Variants in PXDNL observed in about 807,000 individuals in gnomAD.
PXDNL encodes probable oxidoreductase PXDNL.
PXDNL carries 145 observed loss-of-function variants against 150.8 expected under a neutral mutation model. That is an observed-to-expected ratio of 0.96 (90% CI 0.84 to 1.10). PXDNL has a LOEUF of 1.10. PXDNL is among the 50% of genes least tolerant of loss of function. The probability of loss-of-function intolerance (pLI) is 0.00; values close to 1 mark genes in which losing one functional copy is unlikely to be tolerated. For synonymous variants in PXDNL, 757 were observed against 725.7 expected (o/e 1.04, Z -0.69); for missense variants, 2,087 against 1,873.9 (o/e 1.11, Z -2.10).
chr8:51,696,506 C>T (rs1816128945), intron 1 of PXDNL, among the ~76,000 whole-genome samples: 1 of 152,188 alleles, frequency 6.6e-6, no homozygotes, highest in Non-Finnish European at 1.5e-5. Context: ...CCCTCGCTGA[C>T]TAAAACACTG....
intron 1 of PXDNL, among the ~76,000 whole-genome samples, chr8:51,799,735 G>T (rs1265198604): frequency 1.3e-5 from 2 of 152,206 alleles, no homozygotes; most frequent in African/African-American, 4.8e-5. Context: ...ACGGCTCCAG[G>T]TAAGGAGGCA....
intron 4 of PXDNL, among the ~76,000 whole-genome samples, chr8:51,531,421 C>G (rs75796937): frequency 0.079 from 12,079 of 152,188 alleles, 771 homozygotes; most frequent in East Asian, 0.23. Context: ...GAGTGGATAA[C>G]CTGTCCGCCA....
intron 3 of PXDNL, among the ~76,000 whole-genome samples, chr8:51,560,108 C>T (rs150462743): frequency 2.5e-4 from 38 of 151,702 alleles, no homozygotes; most frequent in South Asian, 4.2e-4. Context: ...CTTAACCAAG[C>T]GGGTTAAAGA....
intron 4 of PXDNL, among the ~76,000 whole-genome samples, chr8:51,547,663 T>C (rs1040039811): frequency 1.3e-5 from 2 of 152,048 alleles, no homozygotes; most frequent in African/African-American, 2.4e-5. Context: ...CATCAAGGGA[T>C]CACCCCATGG....
intron 5 of PXDNL, among the ~76,000 whole-genome samples, chr8:51,488,002 C>T (rs1316470521): frequency 6.6e-6 from 1 of 152,078 alleles, no homozygotes; most frequent in African/African-American, 2.4e-5. Context: ...TTTAGAAATG[C>T]CTTAATAGGA....
At chr8:51,639,524 A>G (rs1271400780) in intron 2 of PXDNL, among the ~76,000 whole-genome samples, 1 of 152,216 alleles carries the variant, frequency 6.6e-6, no homozygotes, top group Non-Finnish European at 1.5e-5. Context: ...AGGGGATATC[A>G]CCACCGATCC....
chr8:51,621,831 C>T (rs546982633), intron 2 of PXDNL, among the ~76,000 whole-genome samples: 1 of 150,706 alleles, frequency 6.6e-6, no homozygotes, highest in East Asian at 2.0e-4. Context: ...TTTTGCTACT[C>T]AGGAGGCTGA....
chr8:51,564,404 A>C (rs1196222122), intron 3 of PXDNL, among the ~76,000 whole-genome samples: 1 of 151,724 alleles, frequency 6.6e-6, no homozygotes, highest in East Asian at 1.9e-4. Flanking sequence ...GGTACTGTGC[A>C]GGTTTGTTAC....
At chr8:51,345,714 T>G (rs1806130058) in intron 20 of PXDNL, 119 bp downstream of exon 20, 2 of 591,102 alleles carry the variant, frequency 3.4e-6, no homozygotes, top group Non-Finnish European at 6.0e-6. Flanking sequence ...TTTCATGTGA[T>G]TCATCCTATA....
intron 1 of PXDNL, among the ~76,000 whole-genome samples, chr8:51,805,085 C>T (rs1292289058): frequency 6.6e-6 from 1 of 151,884 alleles, no homozygotes; most frequent in Non-Finnish European, 1.5e-5. Context: ...CATTTCTCTC[C>T]CCAACAAGTC....
At chr8:51,520,371 G>C (rs1037412923) in intron 4 of PXDNL, among the ~76,000 whole-genome samples, 5 of 150,624 alleles carry the variant, frequency 3.3e-5, no homozygotes, top group African/African-American at 1.2e-4. Context: ...ATGTGGACTG[G>C]AACCTGGCTG....
At chr8:51,343,336 A>G (rs982029127) in intron 20 of PXDNL, among the ~76,000 whole-genome samples, 10 of 152,224 alleles carry the variant, frequency 6.6e-5, no homozygotes, top group African/African-American at 2.4e-4. Flanking sequence ...ACATTTAAGC[A>G]CAACAGAAAC....
intron 21 of PXDNL, among the ~76,000 whole-genome samples, chr8:51,338,945 C>T (rs182871414): frequency 3.9e-5 from 6 of 152,196 alleles, no homozygotes; most frequent in African/African-American, 7.2e-5. Context: ...AAGTATACAT[C>T]GTGCTGTTAA....
intron 4 of PXDNL, among the ~76,000 whole-genome samples, chr8:51,515,072 C>T (rs1309765993): frequency 2.6e-5 from 4 of 152,202 alleles, no homozygotes; most frequent in Non-Finnish European, 4.4e-5. Context: ...GAGGAGGCTG[C>T]GTCCTCGCCA....
intron 2 of PXDNL, among the ~76,000 whole-genome samples, chr8:51,652,096 T>G (rs774874904): frequency 1.3e-5 from 2 of 151,876 alleles, no homozygotes; most frequent in Non-Finnish European, 2.9e-5. Context: ...AACATTGGAG[T>G]TTCTGTGCAA....
intron 4 of PXDNL, among the ~76,000 whole-genome samples, chr8:51,502,323 C>T (rs1235230298): frequency 1.3e-5 from 2 of 152,148 alleles, no homozygotes; most frequent in Non-Finnish European, 2.9e-5. Flanking sequence ...GAAACCTGAT[C>T]CAAGAATCCC....
At chr8:51,505,450 G>A (rs1811265101) in intron 4 of PXDNL, among the ~76,000 whole-genome samples, 1 of 152,236 alleles carries the variant, frequency 6.6e-6, no homozygotes, top group Non-Finnish European at 1.5e-5. Context: ...GCAGAGATGG[G>A]GAGAAAAACA....
chr8:51,686,943 A>T (rs1399018530), intron 1 of PXDNL, among the ~76,000 whole-genome samples: 1 of 152,038 alleles, frequency 6.6e-6, no homozygotes, highest in East Asian at 1.9e-4. Context: ...AACATCAAAA[A>T]CTCCAGTAGA....
chr8:51,629,704 C>T (rs1563488562), intron 2 of PXDNL, among the ~76,000 whole-genome samples: 1 of 152,066 alleles, frequency 6.6e-6, no homozygotes, highest in Non-Finnish European at 1.5e-5. Flanking sequence ...AAGCGACCCA[C>T]AGTAAGATTA....
Sources: gnomAD v4.1 joint callset for allele counts (sites outside exome capture counted in the v4.1 genomes callset) on GRCh38, gnomAD v4.1.1 for gene constraint, MANE v1.5 for transcripts, NCBI Gene and HGNC (gene_info 2026-07-23, HGNC 2026-07-21) for gene names.